The following RCAN2 variants were observed in gnomAD, a reference collection of about 807,000 sequenced individuals.
RCAN2 encodes calcipressin-2.
A neutral mutation model predicts 23.6 loss-of-function variants in RCAN2; 9 were observed. That is an observed-to-expected ratio of 0.38 (90% confidence interval 0.23 to 0.67). The LOEUF (loss-of-function observed/expected upper bound fraction) is 0.67, where lower values mean the gene tolerates loss of function less well. Ranked by LOEUF, RCAN2 falls within the 30% of genes least tolerant of loss-of-function variation. The pLI is 0.51. For missense variants in RCAN2, 273 were observed against 302.3 expected (o/e 0.90, Z 0.72); for synonymous variants, 109 against 115.7 (o/e 0.94, Z 0.37).
chr6:46,405,041 A>C (rs1163443654), intron 2 of RCAN2, among the ~76,000 whole-genome samples: 1 of 152,246 alleles, frequency 6.6e-6, no homozygotes, highest in Admixed American at 6.5e-5. Context: ...AACATAGATG[A>C]AAGCGTGTCC....
chr6:46,251,850 G>A (rs906886287), intron 2 of RCAN2, among the ~76,000 whole-genome samples: 7 of 152,098 alleles, frequency 4.6e-5, no homozygotes, highest in Admixed American at 2.0e-4. Flanking sequence ...GGCCGTTGAC[G>A]TGAAACTCTT....
Position 46,288,692 on chromosome 6 carries a change from G to A in RCAN2, c.226-39796C>T, listed in dbSNP as rs116462218. 5.4e-3 allele frequency among the ~76,000 whole-genome samples: 828 copies of A among 152,322 alleles called. 5 individuals carry two copies. The highest frequency in any genetic ancestry group is 0.018 in the African/African-American group (762 of 41,556). On this transcript the variant is annotated intron_variant, in intron 2 of 4. Coordinates refer to ENST00000371374, the MANE Select transcript of RCAN2 (RefSeq NM_001251974.2). ...TTCCTCCATTTCCTCTTTCATCCCC[G>A]AAGTATAACTTTTGGCCTAGGAAGG...
chr6:46,361,074 G>A (rs1764997321), intron 2 of RCAN2, among the ~76,000 whole-genome samples: 1 of 152,100 alleles, frequency 6.6e-6, no homozygotes, highest in Admixed American at 6.5e-5. Flanking sequence ...GCTAGATCTT[G>A]TTTCAAACAA....
At chr6:46,452,345 A>C (rs1243985843) in intron 2 of RCAN2, among the ~76,000 whole-genome samples, 4 of 152,152 alleles carry the variant, frequency 2.6e-5, no homozygotes, top group Non-Finnish European at 5.9e-5. Flanking sequence ...AACAAACCCC[A>C]AAATCCCAGT....
intron 2 of RCAN2, among the ~76,000 whole-genome samples, chr6:46,456,033 T>C (rs1204592552): frequency 6.6e-6 from 1 of 152,190 alleles, no homozygotes; most frequent in Non-Finnish European, 1.5e-5. Flanking sequence ...CAGAGAAATC[T>C]GAAATAAACT....
At chr6:46,302,473 T>C (rs1161663846) in intron 2 of RCAN2, among the ~76,000 whole-genome samples, 1 of 152,062 alleles carries the variant, frequency 6.6e-6, no homozygotes, top group Non-Finnish European at 1.5e-5. Flanking sequence ...TGCAATTTTG[T>C]TGTTTAGATT....
Position 46,248,897 on chromosome 6 carries a change from C to G in RCAN2, c.226-1G>C. The G allele has an allele frequency of 1.9e-6, 3 of 1,599,514 alleles. No homozygotes were observed. Among genetic ancestry groups the G allele is most frequent in the Non-Finnish European group, 2.6e-6 (3 of 1,173,552 alleles). On this transcript the variant is annotated splice_acceptor_variant, in intron 2 of 4. Coordinates refer to ENST00000371374, the MANE Select transcript of RCAN2 (RefSeq NM_001251974.2). LOFTEE classifies it high-confidence loss of function. ...TCCGAAACAGTCCCTCAAATTTTTC[C>G]TGATAAAAACAAACACAGAGGAAAA...
chr6:46,311,719 G>GAC (rs1405255164), intron 2 of RCAN2, among the ~76,000 whole-genome samples: 2 of 152,166 alleles, frequency 1.3e-5, no homozygotes, highest in African/African-American at 4.8e-5. Context: ...CTTCTCCTAA[G>GAC]ACTGTGTTTT....
chr6:46,445,639 C>T (rs1767683856), intron 2 of RCAN2, among the ~76,000 whole-genome samples: 1 of 152,024 alleles, frequency 6.6e-6, no homozygotes, highest in Non-Finnish European at 1.5e-5. Context: ...AAAATAATTG[C>T]TTTAAGAAAG....
intron 2 of RCAN2, among the ~76,000 whole-genome samples, chr6:46,430,910 T>C (rs1339200158): frequency 6.6e-6 from 1 of 152,176 alleles, no homozygotes; most frequent in Non-Finnish European, 1.5e-5. Context: ...TGAAACAGCT[T>C]TTAAAATACT....
At chr6:46,395,403 C>T (rs999800379) in intron 2 of RCAN2, among the ~76,000 whole-genome samples, 3 of 152,152 alleles carry the variant, frequency 2.0e-5, no homozygotes, top group Admixed American at 6.5e-5. Flanking sequence ...AAGGTTTCAA[C>T]AAAGGACGAA....
intron 2 of RCAN2, among the ~76,000 whole-genome samples, chr6:46,284,632 T>C (rs1762308545): frequency 6.6e-6 from 1 of 152,202 alleles, no homozygotes; most frequent in Non-Finnish European, 1.5e-5. Context: ...CAAGCTTTTC[T>C]GCTGAGGGGG....
intron 2 of RCAN2, among the ~76,000 whole-genome samples, chr6:46,351,737 T>G (rs1048888233): frequency 6.6e-6 from 1 of 152,216 alleles, no homozygotes; most frequent in Non-Finnish European, 1.5e-5. Flanking sequence ...CATGCAGTCC[T>G]AGATGGTCCA....
chr6:46,447,295 T>G (rs1767743010), intron 2 of RCAN2, among the ~76,000 whole-genome samples: 1 of 151,950 alleles, frequency 6.6e-6, no homozygotes, highest in Admixed American at 6.6e-5. Context: ...AATATACATG[T>G]GCCCAACATT....
chr6:46,479,818 T>G (rs773830079), intron 1 of RCAN2, among the ~76,000 whole-genome samples: 1 of 152,152 alleles, frequency 6.6e-6, no homozygotes, highest in Non-Finnish European at 1.5e-5. Context: ...CCTAACCTCA[T>G]GATCTGCCCA....
chr6:46,483,514 A>G (rs1057014282), intron 1 of RCAN2, among the ~76,000 whole-genome samples: 2 of 152,346 alleles, frequency 1.3e-5, no homozygotes, highest in South Asian at 2.1e-4. Context: ...GAATCCCCAC[A>G]GTGTTCATGT....
intron 2 of RCAN2, among the ~76,000 whole-genome samples, chr6:46,383,436 C>A (rs6919953): frequency 0.032 from 4,844 of 152,036 alleles, 247 homozygotes; most frequent in African/African-American, 0.11. Context: ...TCTTGTGATA[C>A]CACTTTTCAA....
At chr6:46,230,365 C>A (rs964207093) in intron 4 of RCAN2, among the ~76,000 whole-genome samples, 28 of 152,216 alleles carry the variant, frequency 1.8e-4, no homozygotes, top group Non-Finnish European at 2.9e-4. Context: ...CTATGCCCTA[C>A]CCCCAGAGGT....
intron 2 of RCAN2, among the ~76,000 whole-genome samples, chr6:46,355,729 G>T (rs573532319): frequency 6.6e-5 from 10 of 152,340 alleles, no homozygotes; most frequent in East Asian, 5.8e-4. Context: ...AGTTTCAAGA[G>T]TGCCAAAGAA....
Sources: gnomAD v4.1 joint callset for allele counts (sites outside exome capture counted in the v4.1 genomes callset) on GRCh38, gnomAD v4.1.1 for gene constraint, MANE v1.5 for transcripts, NCBI Gene and HGNC (gene_info 2026-07-23, HGNC 2026-07-21) for gene names.